DACH1: variants seen among roughly 807,000 people sequenced by gnomAD.
DACH1 encodes dachshund homolog 1.
Under a neutral mutation model 54.2 loss-of-function variants are expected in DACH1, and 12 were observed. The ratio of observed to expected loss-of-function variants is 0.22; its 90% CI spans 0.14 to 0.36. The LOEUF (loss-of-function observed/expected upper bound fraction) is 0.36. Among genes scored for constraint, DACH1 ranks in the 10% least tolerant of loss-of-function variants. The probability of loss-of-function intolerance (pLI) is 1.00; values close to 1 mark genes in which losing one functional copy is unlikely to be tolerated. For synonymous variants in DACH1, 386 were observed against 366.2 expected (o/e 1.05, Z -0.62); for missense variants, 805 against 929.8 (o/e 0.87, Z 1.75).
At chr13:71,684,070 T>G (rs1881040263) in intron 1 of DACH1, among the ~76,000 whole-genome samples, 1 of 152,058 alleles carries the variant, frequency 6.6e-6, no homozygotes, top group Admixed American at 6.6e-5. Context: ...AATATTATCT[T>G]TCTGAGGTTA....
chr13:71,726,193 C>T (rs373031695), intron 1 of DACH1, among the ~76,000 whole-genome samples: 6 of 152,100 alleles, frequency 3.9e-5, no homozygotes, highest in African/African-American at 1.2e-4. Context: ...GGAGTTGAGG[C>T]GAATAGACCG....
At chr13:71,620,358 A>G (rs1433851133) in intron 3 of DACH1, among the ~76,000 whole-genome samples, 1 of 151,986 alleles carries the variant, frequency 6.6e-6, no homozygotes. Flanking sequence ...TTATTTATAA[A>G]TAATAAAGAC....
chr13:71,831,923 G>C (rs140199850), intron 1 of DACH1, among the ~76,000 whole-genome samples: 1 of 151,838 alleles, frequency 6.6e-6, no homozygotes, highest in Non-Finnish European at 1.5e-5. Context: ...GGAACAGAGC[G>C]ACCCTGGGGT....
intron 10 of DACH1, among the ~76,000 whole-genome samples, chr13:71,447,312 G>A (rs1874553782): frequency 6.6e-6 from 1 of 151,568 alleles, no homozygotes; most frequent in Non-Finnish European, 1.5e-5. Flanking sequence ...TTTATTCACT[G>A]TGTCTGAGGA....
At chr13:71,831,403 C>T (rs1475112874) in intron 1 of DACH1, among the ~76,000 whole-genome samples, 2 of 151,452 alleles carry the variant, frequency 1.3e-5, no homozygotes, top group Non-Finnish European at 3.0e-5. Context: ...TAGTAAGGTC[C>T]GAGAAACTGA....
chr13:71,611,718 G>A (rs577469527), intron 3 of DACH1, among the ~76,000 whole-genome samples: 231 of 151,944 alleles, frequency 1.5e-3, no homozygotes, highest in African/African-American at 5.3e-3. Flanking sequence ...TGCTTTTTTC[G>A]TAGTCAACTT....
chr13:71,540,583 T>A (rs1337798261), intron 6 of DACH1, among the ~76,000 whole-genome samples: 1 of 152,078 alleles, frequency 6.6e-6, no homozygotes, highest in Non-Finnish European at 1.5e-5. Flanking sequence ...ACCATAACTA[T>A]CATTAATAAA....
intron 2 of DACH1, among the ~76,000 whole-genome samples, chr13:71,676,274 A>G (rs1033564677): frequency 1.3e-5 from 2 of 152,040 alleles, no homozygotes; most frequent in Non-Finnish European, 1.5e-5. Flanking sequence ...CTTGAGTGCA[A>G]TGGTGTGATC....
At chr13:71,814,105 T>A (rs1490132801) in intron 1 of DACH1, among the ~76,000 whole-genome samples, 2 of 152,318 alleles carry the variant, frequency 1.3e-5, no homozygotes, top group Non-Finnish European at 2.9e-5. Flanking sequence ...GTAAGCTAGA[T>A]TAACCAAATA....
chr13:71,807,400 C>G (rs1188440340), intron 1 of DACH1, among the ~76,000 whole-genome samples: 1 of 117,768 alleles, frequency 8.5e-6, no homozygotes, highest in African/African-American at 3.4e-5. Flanking sequence ...AACGTTCTGT[C>G]AGTATTTATC....
chr13:71,464,300 C>CCAT (rs1876360463), intron 10 of DACH1, among the ~76,000 whole-genome samples: 1 of 151,604 alleles, frequency 6.6e-6, no homozygotes, highest in African/African-American at 2.4e-5. Context: ...ATATGATTTG[C>CCAT]CATCTTTGAG....
chr13:71,685,593 G>C (rs916909697), intron 1 of DACH1, among the ~76,000 whole-genome samples: 5 of 152,136 alleles, frequency 3.3e-5, no homozygotes, highest in African/African-American at 1.2e-4. Context: ...ACAACCTACA[G>C]TTAGGTTCCC....
At chr13:71,668,522 T>A (rs1386653154) in intron 2 of DACH1, among the ~76,000 whole-genome samples, 2 of 152,086 alleles carry the variant, frequency 1.3e-5, no homozygotes, top group African/African-American at 4.8e-5. Context: ...CACAAAATTC[T>A]ATATATAATA....
intron 10 of DACH1, among the ~76,000 whole-genome samples, chr13:71,442,702 T>A (rs996335565): frequency 3.9e-5 from 6 of 152,116 alleles, no homozygotes; most frequent in Non-Finnish European, 2.9e-5. Context: ...TTTTTTTGTA[T>A]ACATACATAC....
rs780144872 is a variant in DACH1 at position 71,489,142 on chromosome 13, G to A, written c.1577C>T (p.Thr526Ile). ...SKRMHIEKDE[T>I]PLSTPTARDS... is the part of the protein sequence containing the mutation. Reference sequence around the variant, plus strand: ...TCTTGCGGTTGGTGTAGAAAGCGGGGTCTCATCTGCATGTGATTGAAACAA... The same window carrying A: ...TCTTGCGGTTGGTGTAGAAAGCGGGATCTCATCTGCATGTGATTGAAACAA... Residue 526 changes from threonine (T) to isoleucine (I), a missense_variant, in exon 7 of 11, where the codon ACC becomes ATC. Transcript: ENST00000613252. The A allele has an allele frequency of 4.3e-6, 7 of 1,612,762 alleles. No homozygotes were observed. The highest frequency in any genetic ancestry group is 1.1e-5 in the South Asian group (1 of 90,908).
chr13:71,728,771 T>C (rs1883600548), intron 1 of DACH1, among the ~76,000 whole-genome samples: 1 of 152,056 alleles, frequency 6.6e-6, no homozygotes, highest in Non-Finnish European at 1.5e-5. Context: ...TTGCATTCTC[T>C]ACATTTCAGT....
intron 1 of DACH1, among the ~76,000 whole-genome samples, chr13:71,702,729 T>A (rs1385870543): frequency 6.6e-6 from 1 of 152,034 alleles, no homozygotes; most frequent in African/African-American, 2.4e-5. Flanking sequence ...AAATCGAGAG[T>A]TAATTTTATT....
intron 4 of DACH1, among the ~76,000 whole-genome samples, chr13:71,567,212 T>G (rs1884943840): frequency 6.6e-6 from 1 of 151,968 alleles, no homozygotes. Flanking sequence ...TTAAGTCATA[T>G]TCCCTATTTT....
chr13:71,579,750 G>A (rs1299118227), intron 3 of DACH1, among the ~76,000 whole-genome samples: 1 of 151,940 alleles, frequency 6.6e-6, no homozygotes, highest in Non-Finnish European at 1.5e-5. Flanking sequence ...AAAGAAGTAG[G>A]GTCATAATTA....
Sources: allele counts gnomAD v4.1 joint callset (sites outside exome capture counted in the v4.1 genomes callset), GRCh38; gene constraint gnomAD v4.1.1; transcripts MANE v1.5; gene names NCBI Gene and HGNC (gene_info 2026-07-23, HGNC 2026-07-21).